The following TNKS2 variants were observed in gnomAD, a reference collection of about 807,000 sequenced individuals.
TNKS2 encodes poly [ADP-ribose] polymerase tankyrase-2.
In TNKS2, 72 loss-of-function variants were observed where a neutral mutation model predicts 137.6. The observed-to-expected ratio is 0.52, with a 90% CI of 0.43 to 0.64. The LOEUF (loss-of-function observed/expected upper bound fraction) is 0.64, where lower values mean the gene tolerates loss of function less well. Among genes scored for constraint, TNKS2 ranks in the 30% least tolerant of loss-of-function variants. TNKS2 has a pLI of 0.00. For synonymous variants in TNKS2, 516 were observed against 512.1 expected (o/e 1.01, Z -0.10); for missense variants, 1,049 against 1,410.2 (o/e 0.74, Z 4.10).
intron 13 of TNKS2, 97 bp downstream of exon 13, chr10:91,837,095 A>AT: frequency 8.1e-7 from 1 of 1,230,304 alleles, no homozygotes; most frequent in Non-Finnish European, 1.1e-6. Context: ...GTTTATTTGT[A>AT]TGGGCCTTGC....
In TNKS2 at chr10:91,827,014, C is replaced by T; in HGVS notation, c.796-3C>T. On this transcript the variant is annotated splice_polypyrimidine_tract_variant and splice_region_variant and intron_variant, in intron 7 of 26. Transcript: ENST00000371627. ...CATTAAATATATGCTTTTTGCTCTC[C>T]AGCATGGTGCCTGTGTAAATGCAAT... 6.5e-7 allele frequency: 1 copy of T among 1,549,298 alleles called. No homozygotes were observed.
At chr10:91,801,327 T>C (rs1844158449) in intron 1 of TNKS2, among the ~76,000 whole-genome samples, 1 of 152,228 alleles carries the variant, frequency 6.6e-6, no homozygotes, top group African/African-American at 2.4e-5. Context: ...GGTGTTTTTT[T>C]ATTACTGAAC....
chr10:91,848,103 T>C (rs1434805440), intron 18 of TNKS2, among the ~76,000 whole-genome samples: 2 of 152,192 alleles, frequency 1.3e-5, no homozygotes, highest in African/African-American at 2.4e-5. Flanking sequence ...ACTCAAGCAT[T>C]ATACTTACTG....
Position 91,798,558 on chromosome 10 carries a change from G to A in TNKS2, c.-133G>A. On this transcript the variant is annotated 5_prime_UTR_variant, in exon 1 of 27. Coordinates refer to ENST00000371627, the MANE Select transcript of TNKS2 (RefSeq NM_025235.4). ...GCGGCCATGGGACTGCGCCGGATCCGGTGACAGCAGGGAGCCAAGCGGCCC... is the reference window on the plus strand; with the variant it reads ...GCGGCCATGGGACTGCGCCGGATCCAGTGACAGCAGGGAGCCAAGCGGCCC... 1 of 1,060,548 alleles carries A rather than the reference G, an allele frequency of 9.4e-7. No individual in the cohort carries two copies. Among genetic ancestry groups the A allele is most frequent in the Non-Finnish European group, 1.2e-6 (1 of 843,454 alleles). 65.7% of individuals were successfully genotyped at this position (1,060,548 alleles called of 1,614,324 possible). A position where few individuals can be genotyped will look rare whatever the true frequency, so the allele number is the denominator to read the frequency against.
rs549036119 is a variant in TNKS2, at chr10:91,858,225, G to A, written c.3094+695G>A. On this transcript the variant is annotated intron_variant, in intron 24 of 26. Transcript: ENST00000371627. ...GACCTGTAAAGTTCTCTAAAACACA[G>A]TAAATTTCATAATACCCTGGGAGAA... Among the ~76,000 whole-genome samples the A allele has an allele frequency of 1.1e-4, 16 of 152,244 alleles. No individual in the cohort carries two copies. The East Asian group carries it at 3.1e-3, about 29-fold the overall frequency.
chr10:91,837,022 G>C (rs1005405767), intron 13 of TNKS2, 24 bp downstream of exon 13: 3 of 1,606,232 alleles, frequency 1.9e-6, no homozygotes, highest in East Asian at 4.5e-5. Flanking sequence ...TTACGTTTCT[G>C]TTAACTTTGG....
intron 21 of TNKS2, among the ~76,000 whole-genome samples, chr10:91,852,642 C>G (rs1421399788): frequency 6.6e-6 from 1 of 152,178 alleles, no homozygotes; most frequent in Non-Finnish European, 1.5e-5. Context: ...AGTGATTTAT[C>G]TTGGGGTCAA....
At chr10:91,843,645 A>G (rs1222123724) in intron 16 of TNKS2, among the ~76,000 whole-genome samples, 3 of 152,216 alleles carry the variant, frequency 2.0e-5, no homozygotes, top group South Asian at 2.1e-4. Context: ...TGCATTACAG[A>G]TGTTAGGAAA....
intron 7 of TNKS2, among the ~76,000 whole-genome samples, chr10:91,823,168 C>G (rs113170937): frequency 1.3e-5 from 2 of 151,988 alleles, no homozygotes; most frequent in African/African-American, 4.8e-5. Context: ...GTTAAAACCA[C>G]CAGATATAAT....
At position 91,855,598 on chromosome 10, in the gene TNKS2, A is replaced by G. The variant is rs1435445629; in HGVS notation, c.2914-16A>G. The G allele has an allele frequency of 1.4e-5, 23 of 1,605,208 alleles. No homozygotes were observed. Among genetic ancestry groups the G allele is most frequent in the Non-Finnish European group, 1.9e-5 (22 of 1,175,178 alleles). On this transcript the variant is annotated splice_polypyrimidine_tract_variant and intron_variant, in intron 22 of 26. Transcript: ENST00000371627. ...AAATGCTAATGCACATATATTTCAA[A>G]CCATTTTTCTGACAGATGCAAAGTA...
At chr10:91,812,395 TG>T (rs1336000344) in intron 1 of TNKS2, among the ~76,000 whole-genome samples, 2 of 152,204 alleles carry the variant, frequency 1.3e-5, no homozygotes, top group African/African-American at 2.4e-5. Context: ...GTTTTGCAAG[TG>T]GCAAAGTAGG....
chr10:91,825,688 G>T (rs928637507), intron 7 of TNKS2, among the ~76,000 whole-genome samples: 5 of 152,234 alleles, frequency 3.3e-5, no homozygotes, highest in Non-Finnish European at 7.3e-5. Context: ...TTAGTTGAAT[G>T]CTGTAGAAGG....
intron 1 of TNKS2, among the ~76,000 whole-genome samples, chr10:91,804,252 A>G (rs1844258951): frequency 6.6e-6 from 1 of 152,240 alleles, no homozygotes; most frequent in Non-Finnish European, 1.5e-5. Context: ...GTCCTGCTAT[A>G]TGCCAGACAC....
intron 1 of TNKS2, among the ~76,000 whole-genome samples, chr10:91,803,842 A>C (rs1844248503): frequency 6.6e-6 from 1 of 152,152 alleles, no homozygotes; most frequent in South Asian, 2.1e-4. Context: ...CTACCTTTAG[A>C]TATTGCAAGA....
rs535801880 is a variant in TNKS2 at position 91,821,429 on chromosome 10, A to G, written c.729-867A>G. Among the ~76,000 whole-genome samples, 23 of 152,202 alleles carry G rather than the reference A, an allele frequency of 1.5e-4. 1 individual carries two copies. The South Asian group carries it at 2.1e-3, about 14-fold the overall frequency. On this transcript the variant is annotated intron_variant, in intron 6 of 26. Transcript: ENST00000371627. Reference sequence around the variant, plus strand: ...GGTGCTCAGGCAAGTGAAGAATCATATATTCAAAAATAGTAAGGAAAGCCA... The same window carrying G: ...GGTGCTCAGGCAAGTGAAGAATCATGTATTCAAAAATAGTAAGGAAAGCCA...
intron 21 of TNKS2, among the ~76,000 whole-genome samples, chr10:91,853,291 ACT>A (rs1378246296): frequency 6.6e-6 from 1 of 152,182 alleles, no homozygotes; most frequent in East Asian, 1.9e-4. Flanking sequence ...TCCTGTAGTC[ACT>A]CTGATACATC....
chr10:91,834,075 T>C (rs746256999), intron 12 of TNKS2, 51 bp downstream of exon 12: 3 of 1,440,616 alleles, frequency 2.1e-6, no homozygotes, highest in Non-Finnish European at 2.8e-6. Flanking sequence ...CTTTAAAAAT[T>C]TTTCACATAT....
At chr10:91,856,401 A>G (rs2133680497) in intron 23 of TNKS2, among the ~76,000 whole-genome samples, 1 of 152,346 alleles carries the variant, frequency 6.6e-6, no homozygotes, top group East Asian at 1.9e-4. Context: ...TCTGAACAGT[A>G]TCAAATCTTT....
chr10:91,834,171 G>T, intron 12 of TNKS2, 147 bp downstream of exon 12: 1 of 549,680 alleles, frequency 1.8e-6, no homozygotes. Context: ...TTAATCAGCT[G>T]AATATCCTCA....
Sources: gnomAD v4.1 joint callset for allele counts (sites outside exome capture counted in the v4.1 genomes callset) on GRCh38, gnomAD v4.1.1 for gene constraint, MANE v1.5 for transcripts, NCBI Gene and HGNC (gene_info 2026-07-23, HGNC 2026-07-21) for gene names.